The following PTPRD variants were observed in gnomAD, a reference collection of about 807,000 sequenced individuals.
PTPRD encodes receptor-type tyrosine-protein phosphatase delta.
PTPRD carries 34 observed loss-of-function variants against 214.5 expected under a neutral mutation model. The observed-to-expected ratio is 0.16, with a 90% CI of 0.12 to 0.21. The LOEUF is 0.21. Among genes scored for constraint, PTPRD ranks in the 10% least tolerant of loss-of-function variants. PTPRD has a pLI of 1.00. For synonymous variants in PTPRD, 1,128 were observed against 845.7 expected, an observed-to-expected ratio of 1.33 and a Z score of -5.79; for missense variants, 2,545 against 2,398.7, an observed-to-expected ratio of 1.06 and a Z score of -1.27.
intron 9 of PTPRD, among the ~76,000 whole-genome samples, chr9:9,324,957 C>A (rs1378397646): frequency 6.6e-6 from 1 of 152,080 alleles, no homozygotes; most frequent in Non-Finnish European, 1.5e-5. Context: ...GAATCCTTTC[C>A]CCATTTCTTG....
At chr9:9,308,293 G>A (rs573010585) in intron 9 of PTPRD, among the ~76,000 whole-genome samples, 2 of 152,078 alleles carry the variant, frequency 1.3e-5, no homozygotes, top group South Asian at 4.1e-4. Flanking sequence ...ACAAATCCTA[G>A]AAACACATTT....
intron 25 of PTPRD, among the ~76,000 whole-genome samples, chr9:8,498,343 T>A (rs1020811689): frequency 1.4e-4 from 21 of 152,200 alleles, no homozygotes; most frequent in African/African-American, 4.8e-4. Context: ...TGGTGCGATC[T>A]TGGCTCACTG....
At chr9:8,789,016 A>C (rs1000433499) in intron 11 of PTPRD, among the ~76,000 whole-genome samples, 3 of 152,186 alleles carry the variant, frequency 2.0e-5, no homozygotes, top group Non-Finnish European at 4.4e-5. Context: ...AAACAGACAC[A>C]GGACTGAGTC....
chr9:9,545,618 G>A (rs1194409020), intron 8 of PTPRD, among the ~76,000 whole-genome samples: 2 of 151,638 alleles, frequency 1.3e-5, no homozygotes, highest in African/African-American at 4.8e-5. Context: ...ACTCTTTTAG[G>A]TAACTACTCT....
At chr9:10,231,955 TTAGAGA>T (rs1269915516) in intron 3 of PTPRD, among the ~76,000 whole-genome samples, 1 of 75,806 alleles carries the variant, frequency 1.3e-5, no homozygotes, top group African/African-American at 6.8e-5. Flanking sequence ...TGGGAATGAA[TTAGAGA>T]GAGAGAGAGA....
At chr9:8,826,250 T>A (rs963268960) in intron 11 of PTPRD, among the ~76,000 whole-genome samples, 4 of 152,158 alleles carry the variant, frequency 2.6e-5, no homozygotes, top group African/African-American at 7.2e-5. Flanking sequence ...CCTTCCTATT[T>A]CTACTCTTGT....
intron 11 of PTPRD, among the ~76,000 whole-genome samples, chr9:8,867,220 C>G (rs1222704258): frequency 1.3e-5 from 2 of 152,198 alleles, no homozygotes; most frequent in South Asian, 2.1e-4. Context: ...TCCTTTTGTT[C>G]TCCTCCCTTT....
At chr9:8,794,337 C>A (rs923863813) in intron 11 of PTPRD, among the ~76,000 whole-genome samples, 1 of 152,088 alleles carries the variant, frequency 6.6e-6, no homozygotes, top group East Asian at 1.9e-4. Flanking sequence ...TAAAATAATA[C>A]TTAAGCCCAT....
At chr9:8,933,340 G>GTTTTGTTTTTTTTTT (rs2098966631) in intron 11 of PTPRD, among the ~76,000 whole-genome samples, 1 of 80,430 alleles carries the variant, frequency 1.2e-5, no homozygotes, top group Admixed American at 1.6e-4. Flanking sequence ...CAACCTTGAG[G>GTTTTGTTTTTTTTTT]TTTTTTTTTT....
chr9:8,411,200 C>A (rs1053581343), intron 35 of PTPRD, among the ~76,000 whole-genome samples: 1 of 151,650 alleles, frequency 6.6e-6, no homozygotes, highest in Non-Finnish European at 1.5e-5. Context: ...TTTGAGAGAT[C>A]GTTCCAAATA....
At chr9:8,602,900 T>C (rs2094954708) in intron 14 of PTPRD, among the ~76,000 whole-genome samples, 1 of 152,170 alleles carries the variant, frequency 6.6e-6, no homozygotes, top group South Asian at 2.1e-4. Context: ...AACTAATTCA[T>C]TCATCTGCAT....
chr9:9,087,232 GTTACC>G (rs2099768370), intron 10 of PTPRD, among the ~76,000 whole-genome samples: 1 of 152,008 alleles, frequency 6.6e-6, no homozygotes, highest in African/African-American at 2.4e-5. Context: ...GATTTCCCCA[GTTACC>G]AAAGCAGAGA....
At chr9:8,666,181 A>AT (rs541059729) in intron 12 of PTPRD, among the ~76,000 whole-genome samples, 1 of 152,112 alleles carries the variant, frequency 6.6e-6, no homozygotes, top group Non-Finnish European at 1.5e-5. Context: ...TAAATTGAAG[A>AT]TTTTTTTCCC....
chr9:9,493,776 A>G, intron 8 of PTPRD, among the ~76,000 whole-genome samples: 1 of 142,740 alleles, frequency 7.0e-6, no homozygotes, highest in African/African-American at 2.6e-5. Context: ...TGACAGAGCA[A>G]GACTCCGTCT....
At chr9:8,843,859 G>C (rs771094621) in intron 11 of PTPRD, among the ~76,000 whole-genome samples, 1 of 152,150 alleles carries the variant, frequency 6.6e-6, no homozygotes, top group Admixed American at 6.5e-5. Flanking sequence ...GACCAAGATG[G>C]AGAGGTCAGC....
rs1031258352 is a variant in PTPRD at position 9,167,038 on chromosome 9, G to GA, written c.-143+16265dup. Among the ~76,000 whole-genome samples the GA allele has an allele frequency of 4.6e-5, 7 of 151,810 alleles. No homozygotes were observed. The East Asian group carries it at 9.7e-4, about 21-fold the overall frequency. On this transcript the variant is annotated intron_variant, in intron 10 of 45. Transcript: ENST00000381196. ...TATCTTAATCATTTCAACTCAGTGA[G>GA]AAAAAAAACTAAAGCCCAGAGAGGT...
intron 5 of PTPRD, among the ~76,000 whole-genome samples, chr9:9,932,224 G>A: frequency 6.6e-6 from 1 of 151,288 alleles, no homozygotes; most frequent in Non-Finnish European, 1.5e-5. Context: ...AAAGCTGGAT[G>A]GAGAATAACT....
At chr9:10,305,961 A>T (rs1410682297) in intron 3 of PTPRD, among the ~76,000 whole-genome samples, 1 of 152,128 alleles carries the variant, frequency 6.6e-6, no homozygotes, top group Non-Finnish European at 1.5e-5. Context: ...TACTATAAAG[A>T]CATATACACA....
At chr9:10,374,117 G>A (rs1301658464) in intron 2 of PTPRD, among the ~76,000 whole-genome samples, 2 of 152,012 alleles carry the variant, frequency 1.3e-5, no homozygotes, top group Non-Finnish European at 2.9e-5. Flanking sequence ...GAATCCTTAG[G>A]AAAGCCCTTT....
Sources: gnomAD v4.1 joint callset for allele counts (sites outside exome capture counted in the v4.1 genomes callset) on GRCh38, gnomAD v4.1.1 for gene constraint, MANE v1.5 for transcripts, NCBI Gene and HGNC (gene_info 2026-07-23, HGNC 2026-07-21) for gene names.